Variants in PHLDB1 observed in about 807,000 individuals in gnomAD.
PHLDB1 encodes pleckstrin homology-like domain family B member 1.
A neutral mutation model predicts 139.3 loss-of-function variants in PHLDB1; 65 were observed. That is an observed-to-expected ratio of 0.47 (90% CI 0.38 to 0.57). PHLDB1 has a LOEUF of 0.57. Ranked by LOEUF, PHLDB1 falls within the 20% of genes least tolerant of loss-of-function variation. The probability of loss-of-function intolerance (pLI) is 0.00; values close to 1 mark genes in which losing one functional copy is unlikely to be tolerated. For synonymous variants in PHLDB1, 679 were observed against 734.5 expected (o/e 0.92, Z 1.22); for missense variants, 1,624 against 1,839.7 (o/e 0.88, Z 2.14).
chr11:118,642,010 T>C, intron 12 of PHLDB1: 1 of 618,698 alleles, frequency 1.6e-6, no homozygotes, highest in African/African-American at 1.8e-5. Context: ...TCAGGGCAAC[T>C]GTTGTCTCAC....
Position 118,623,917 on chromosome 11 carries a change from T to TGTGTGTGTGAGA in PHLDB1, c.356-1016_356-1015insTGTGTGTGAGAG, listed in dbSNP as rs57599971. On this transcript the variant is annotated intron_variant, in intron 4 of 22. Coordinates refer to ENST00000600882, the MANE Select transcript of PHLDB1 (RefSeq NM_001144758.3). ...GTGTGTGTGTGTGTGTGTGTGTGTGTGAGACGGAGTTTCGCTCTGTTGCCC... is the reference window on the plus strand; with the variant it reads ...GTGTGTGTGTGTGTGTGTGTGTGTGTGTGTGTGTGAGAGAGACGGAGTTTCGCTCTGTTGCCC... Among the ~76,000 whole-genome samples the TGTGTGTGTGAGA allele has an allele frequency of 9.0e-5, 13 of 144,396 alleles. No individual in the cohort carries two copies. The East Asian group carries it at 2.7e-3, about 30-fold the overall frequency. 94.7% of individuals were successfully genotyped at this position (144,396 alleles called of 152,430 possible). A position where few individuals can be genotyped will look rare whatever the true frequency, so the allele number is the denominator to read the frequency against.
intron 11 of PHLDB1, 60 bp from the exon 12 acceptor site, chr11:118,639,102 C>A (rs1315038151): frequency 6.4e-7 from 1 of 1,561,096 alleles, no homozygotes; most frequent in Admixed American, 1.7e-5. Flanking sequence ...AGCACAGGGC[C>A]CCCCTCACAC....
chr11:118,641,987 G>A, intron 12 of PHLDB1: 1 of 580,142 alleles, frequency 1.7e-6, no homozygotes, highest in Non-Finnish European at 3.0e-6. Flanking sequence ...GTTTCTCTTT[G>A]CCCTTAGTAC....
In PHLDB1 at chr11:118,628,557, C is replaced by T. The variant is rs894305403; in HGVS notation, c.1734C>T (p.Ser578=). The part of the protein sequence containing the change: ...RVPVTRERKN[S]ITEISDNEDD... Reference sequence around the variant, plus strand: ...CTGTCACAAGGGAGCGGAAAAATAGCATCACAGAGATCAGTGACAATGAGG... The same window carrying T: ...CTGTCACAAGGGAGCGGAAAAATAGTATCACAGAGATCAGTGACAATGAGG... Residue 578 remains serine (S), a synonymous_variant, in exon 6 of 23, where the codon AGC becomes AGT. Coordinates refer to ENST00000600882, the MANE Select transcript of PHLDB1 (RefSeq NM_001144758.3). The T allele has an allele frequency of 2.0e-5, 33 of 1,613,004 alleles. No individual in the cohort carries two copies. Among genetic ancestry groups the T allele is most frequent in the Non-Finnish European group, 2.8e-5 (33 of 1,179,980 alleles).
In PHLDB1 at chr11:118,632,188, A is replaced by T; in HGVS notation, c.2271A>T (p.Gly757=). ...AAATGGAGCGGGCACTGCTGCAGGG[A>T]GAGAGGGAGGCAGAGCGGGCACTGC... ...EAEMERALLQ[G]EREAERALLQ... is the part of the protein sequence containing the mutation. The change falls in exon 9 of 23, where the codon GGA becomes GGT. Residue 757 remains glycine, a synonymous_variant. Coordinates refer to ENST00000600882, the MANE Select transcript of PHLDB1 (RefSeq NM_001144758.3). This position sits in a 1 kb window ranked among gnomAD's most constrained non-coding sequence, Gnocchi z 5.9. 1 of 1,613,898 alleles carries T rather than the reference A, an allele frequency of 6.2e-7. No homozygotes were observed. The highest frequency in any genetic ancestry group is 8.5e-7 in the Non-Finnish European group (1 of 1,179,938).
chr11:118,636,211 G>T (rs1265957707), intron 10 of PHLDB1, among the ~76,000 whole-genome samples: 8 of 152,188 alleles, frequency 5.3e-5, no homozygotes, highest in African/African-American at 1.9e-4. Context: ...GGAGAGGATG[G>T]CTCAAGCAGC....
intron 12 of PHLDB1, chr11:118,640,077 C>T: frequency 1.2e-6 from 1 of 811,964 alleles, no homozygotes; most frequent in Non-Finnish European, 1.5e-6. Flanking sequence ...CTGCCTACAG[C>T]TCCTCCCAGG....
chr11:118,650,429 TC>T lies in PHLDB1; in HGVS notation c.3772-14del. The T allele has an allele frequency of 1.9e-6, 3 of 1,582,458 alleles. No individual in the cohort carries two copies. Among genetic ancestry groups the T allele is most frequent in the Non-Finnish European group, 1.7e-6 (2 of 1,150,988 alleles). On this transcript the variant is annotated splice_polypyrimidine_tract_variant and intron_variant, in intron 19 of 22. Transcript: ENST00000600882. The surrounding 1 kb of genome is among the most constrained non-coding windows in gnomAD (Gnocchi z 4.7). ...GCTGCATATTTGGGTCCTTCCTTAC[TC>T]CTGCTTCCTACCAGGTCTGCCGTGG...
chr11:118,654,068 C>T (rs1948695295), intron 20 of PHLDB1: 1 of 152,256 alleles, frequency 6.6e-6, no homozygotes, highest in South Asian at 2.1e-4. Context: ...CTTTACCAAG[C>T]TGCAGAGGTC....
intron 10 of PHLDB1, chr11:118,636,983 C>T (rs1343027829): frequency 6.6e-6 from 1 of 152,180 alleles, no homozygotes; most frequent in African/African-American, 2.4e-5. Flanking sequence ...CATGCTCCTC[C>T]TTAGGAACCT....
chr11:118,653,180 G>A (rs1431984439), intron 20 of PHLDB1: 1 of 152,550 alleles, frequency 6.6e-6, no homozygotes, highest in African/African-American at 2.4e-5. Flanking sequence ...ACAGGAGCTG[G>A]AGGGCTGAGC....
intron 4 of PHLDB1, among the ~76,000 whole-genome samples, chr11:118,617,271 G>C (rs1555090534): frequency 3.3e-5 from 5 of 152,096 alleles, no homozygotes; most frequent in African/African-American, 1.2e-4. Flanking sequence ...CTAACAGCAG[G>C]ACAGGAACTT....
Position 118,642,318 on chromosome 11 carries a change from TG to T in PHLDB1, c.2805del (p.Thr936LeufsTer100). ...TGGTACCAGGAGCTGATGGCCGGGC[TG>T]GGGACTGGCCCCGCTGCAGCCTCCC... is the stretch of plus-strand genomic sequence containing the variant. ...EQWYQELMAG[L>X]GTGPAAASPH... On this transcript the variant is annotated frameshift_variant, in exon 13 of 23. Coordinates refer to ENST00000600882, the MANE Select transcript of PHLDB1 (RefSeq NM_001144758.3). LOFTEE classifies it high-confidence loss of function. 6.2e-7 allele frequency: 1 copy of T among 1,612,668 alleles called. No homozygotes were observed.
chr11:118,635,176 G>A (rs1945436042), intron 9 of PHLDB1: 5 of 613,950 alleles, frequency 8.1e-6, no homozygotes, highest in South Asian at 4.0e-5. Flanking sequence ...CGGTGCTGCG[G>A]TTTGGAGGGA....
chr11:118,632,147 G>A lies in PHLDB1; in HGVS notation c.2242-12G>A, dbSNP rs782705398. The A allele has an allele frequency of 5.6e-6, 9 of 1,613,878 alleles. No individual in the cohort carries two copies. The highest frequency in any genetic ancestry group is 5.5e-5 in the South Asian group (5 of 91,082). On this transcript the variant is annotated splice_polypyrimidine_tract_variant and intron_variant, in intron 8 of 22. Transcript: ENST00000600882. The surrounding 1 kb of genome is among the most constrained non-coding windows in gnomAD (Gnocchi z 5.9). ...CAGCTGCTTTGATGGGGACCCTGGTGTCTGCCCCCAGGCCGAAATGGAGCG... is the reference window on the plus strand; with the variant it reads ...CAGCTGCTTTGATGGGGACCCTGGTATCTGCCCCCAGGCCGAAATGGAGCG...
At position 118,608,290 on chromosome 11, in the gene PHLDB1, C is replaced by T. The variant is rs1939495391; in HGVS notation, c.-22+591C>T. 6.6e-6 allele frequency among the ~76,000 whole-genome samples: 1 copy of T among 152,088 alleles called. No individual in the cohort carries two copies. Among genetic ancestry groups the T allele is most frequent in the African/African-American group, 2.4e-5 (1 of 41,434 alleles). On this transcript the variant is annotated intron_variant, in intron 1 of 22. Coordinates refer to ENST00000600882, the MANE Select transcript of PHLDB1 (RefSeq NM_001144758.3). The surrounding 1 kb of genome is among the most constrained non-coding windows in gnomAD (Gnocchi z 6.7). The stretch of plus-strand genomic sequence containing the variant: ...CCCGCCTGGGGCCTCCCAGGCACTC[C>T]CCAAGGCCCCACGTCCTCGGGGGCC...
chr11:118,635,609 C>T, intron 10 of PHLDB1, 61 bp downstream of exon 10: 1 of 1,377,730 alleles, frequency 7.3e-7, no homozygotes, highest in East Asian at 2.7e-5. Context: ...GGTTTGAATC[C>T]CAATGACCTC....
At chr11:118,615,216 A>AAAGAAG (rs1565394473) in intron 3 of PHLDB1, 1 of 150,636 alleles carries the variant, frequency 6.6e-6, no homozygotes, top group Admixed American at 6.8e-5. Context: ...AAAAAAAAAA[A>AAAGAAG]AAGAAGAAGA....
Position 118,627,360 on chromosome 11 carries a change from A to G in PHLDB1, c.537A>G (p.Gly179=), listed in dbSNP as rs781898425. 6.2e-7 allele frequency: 1 copy of G among 1,613,860 alleles called. No individual in the cohort carries two copies. The highest frequency in any genetic ancestry group is 1.3e-5 in the African/African-American group (1 of 74,882). ...ACACCCCACAGACTGCAACACGGGG[A>G]CCCTCTGCCTGTGCCAGCCACAGTT... The part of the protein sequence containing the change: ...GNHTPQTATR[G]PSACASHSSL... Residue 179 remains glycine, a synonymous_variant, in exon 6 of 23, where the codon GGA becomes GGG. Coordinates refer to ENST00000600882, the MANE Select transcript of PHLDB1 (RefSeq NM_001144758.3).
Sources: allele counts gnomAD v4.1 joint callset (sites outside exome capture counted in the v4.1 genomes callset), GRCh38; gene constraint gnomAD v4.1.1; non-coding constraint Gnocchi (gnomAD v3.1); transcripts MANE v1.5; gene names NCBI Gene and HGNC (gene_info 2026-07-23, HGNC 2026-07-21).